FAM178B: variants seen among roughly 807,000 people sequenced by gnomAD.
FAM178B encodes the protein family with sequence similarity 178 member B.
A neutral mutation model predicts 91.7 loss-of-function variants in FAM178B; 82 were observed. That is an observed-to-expected ratio of 0.89 (90% CI 0.75 to 1.07). The LOEUF is 1.07. Among genes scored for constraint, FAM178B ranks in the 50% least tolerant of loss-of-function variants. The pLI is 0.00. For synonymous variants in FAM178B, 368 were observed against 359.4 expected (o/e 1.02, Z -0.27); for missense variants, 769 against 846.7 (o/e 0.91, Z 1.14).
At chr2:96,962,474 A>G (rs2082095223) in intron 5 of FAM178B, among the ~76,000 whole-genome samples, 1 of 151,734 alleles carries the variant, frequency 6.6e-6, no homozygotes, top group Admixed American at 6.6e-5. Context: ...AAAAAAGCCT[A>G]TAAGAACTAG....
Position 96,894,988 on chromosome 2 carries a change from T to C in FAM178B, c.1651-937A>G, listed in dbSNP as rs1220260497. The C allele has an allele frequency of 3.2e-6, 4 of 1,237,086 alleles. No homozygotes were observed. The Admixed American group carries it at 9.4e-5, about 29-fold the overall frequency. The allele number at this position is 1,237,086 out of a possible 1,614,324, so 76.6% of individuals were successfully genotyped here. A position where few individuals can be genotyped will look rare whatever the true frequency, so the allele number is the denominator to read the frequency against. ...CCTCCCTTGCATCCCTCTCTTTTGGTTTAACTCTTCTCTGTGGAGGTTTGG... is the reference window on the plus strand; with the variant it reads ...CCTCCCTTGCATCCCTCTCTTTTGGCTTAACTCTTCTCTGTGGAGGTTTGG... On this transcript the variant is annotated intron_variant, in intron 13 of 16. Transcript: ENST00000490605.
chr2:96,960,140 A>C, intron 6 of FAM178B, 148 bp downstream of exon 6: 1 of 794,396 alleles, frequency 1.3e-6, no homozygotes, highest in Non-Finnish European at 2.0e-6. Context: ...AGACAATGTC[A>C]CCTATATCTC....
At chr2:96,903,687 CAG>C (rs1472472733) in intron 12 of FAM178B, among the ~76,000 whole-genome samples, 4 of 152,234 alleles carry the variant, frequency 2.6e-5, no homozygotes, top group African/African-American at 9.6e-5. Context: ...GAGGCTGAAA[CAG>C]AGCCCTGAGA....
At chr2:96,957,769 A>G (rs1269297683) in intron 6 of FAM178B, among the ~76,000 whole-genome samples, 1 of 151,994 alleles carries the variant, frequency 6.6e-6, no homozygotes, top group Non-Finnish European at 1.5e-5. Flanking sequence ...CCATCTATCT[A>G]TTTATTAAAT....
chr2:96,910,365 C>G (rs1288769320), intron 12 of FAM178B, among the ~76,000 whole-genome samples: 1 of 152,216 alleles, frequency 6.6e-6, no homozygotes, highest in Non-Finnish European at 1.5e-5. Flanking sequence ...TGAGGTTGGT[C>G]ATGCAGCCTC....
intron 1 of FAM178B, among the ~76,000 whole-genome samples, chr2:96,983,334 G>C (rs1295208001): frequency 6.6e-6 from 1 of 152,012 alleles, no homozygotes; most frequent in Non-Finnish European, 1.5e-5. Context: ...TTACATTCTA[G>C]AAGTACCTCC....
rs771447703 is a variant in FAM178B at position 96,981,748 on chromosome 2, A to AAAAAG, written c.73+4492_73+4493insCTTTT. Reference sequence around the variant, plus strand: ...AGAGTGAGACTCCGTCTCAAAAAAAAAAAAAAAAAAAAAAGAAAGAAAGAA... The same window carrying AAAAAG: ...AGAGTGAGACTCCGTCTCAAAAAAAAAAAAGAAAAAAAAAAAAAAGAAAGAAAGAA... On this transcript the variant is annotated intron_variant, in intron 1 of 16. Transcript: ENST00000490605. 1.7e-3 allele frequency among the ~76,000 whole-genome samples: 144 copies of AAAAAG among 84,858 alleles called. 1 individual carries two copies. Among genetic ancestry groups the AAAAAG allele is most frequent in the African/African-American group, 0.012 (120 of 10,042 alleles). The allele number at this position is 84,858 out of a possible 152,430, so 55.7% of individuals were successfully genotyped here. A position where few individuals can be genotyped will look rare whatever the true frequency, so the allele number is the denominator to read the frequency against.
At chr2:96,905,862 T>TATGTGTATA (rs1559064503) in intron 12 of FAM178B, among the ~76,000 whole-genome samples, 60 of 23,510 alleles carry the variant, frequency 2.6e-3, no homozygotes, top group Non-Finnish European at 3.6e-3. Flanking sequence ...ATATATATAT[T>TATGTGTATA]TTTTTTTTTT....
Position 96,951,585 on chromosome 2 carries a change from G to A in FAM178B, c.888-101C>T. ...TCACTACCCAGCTTCACTGGCTGTT[G>A]GGAAGCATATCTGTAACGCTAGAGA... On this transcript the variant is annotated intron_variant, in intron 6 of 16. Coordinates refer to ENST00000490605, the MANE Select transcript of FAM178B (RefSeq NM_001122646.3). 7.2e-6 allele frequency: 6 copies of A among 834,562 alleles called. 1 individual carries two copies. Among genetic ancestry groups the A allele is most frequent in the South Asian group, 2.9e-5 (2 of 68,318 alleles). The allele number at this position is 834,562 out of a possible 1,614,324, so 51.7% of individuals were successfully genotyped here. A position where few individuals can be genotyped will look rare whatever the true frequency, so the allele number is the denominator to read the frequency against.
chr2:96,926,250 C>T (rs1297990721), intron 9 of FAM178B, among the ~76,000 whole-genome samples: 1 of 151,968 alleles, frequency 6.6e-6, no homozygotes, highest in Non-Finnish European at 1.5e-5. Context: ...TGCAGTGAGC[C>T]GAGATGGCAT....
At position 96,902,655 on chromosome 2, in the gene FAM178B, G is replaced by C; in HGVS notation, c.1615C>G (p.Gln539Glu). The change falls in exon 13 of 17, where the codon CAG (glutamine) becomes GAG (glutamate). Residue 539 changes from glutamine to glutamate, a missense_variant. Transcript: ENST00000490605. ...LVVIARMLGQ[Q>E]EMLPLWQEKT... ...TCTTGCCAGAGAGGGAGCATCTCCT[G>C]CTGGCCCAGCATTCGAGCAATGACC... is the stretch of plus-strand genomic sequence containing the variant. 6.4e-7 allele frequency: 1 copy of C among 1,550,904 alleles called. No individual in the cohort carries two copies. Among genetic ancestry groups the C allele is most frequent in the Non-Finnish European group, 8.7e-7 (1 of 1,146,626 alleles).
At chr2:96,952,323 A>G (rs1298590118) in intron 6 of FAM178B, among the ~76,000 whole-genome samples, 3 of 152,218 alleles carry the variant, frequency 2.0e-5, no homozygotes, top group African/African-American at 7.2e-5. Flanking sequence ...TGGGAAGGAA[A>G]TACCAAACAA....
intron 1 of FAM178B, among the ~76,000 whole-genome samples, chr2:96,981,003 ACT>A (rs1484687937): frequency 6.6e-6 from 1 of 151,210 alleles, no homozygotes; most frequent in African/African-American, 2.4e-5. Context: ...ACGGAGTCTT[ACT>A]CTGTCACCCA....
chr2:96,936,302 C>T (rs982812252), intron 8 of FAM178B, among the ~76,000 whole-genome samples: 77 of 151,926 alleles, frequency 5.1e-4, no homozygotes, highest in Non-Finnish European at 1.0e-4. Flanking sequence ...CCCGGGTTCA[C>T]ACCATTCTCC....
Position 96,876,277 on chromosome 2 carries a change from T to C in FAM178B, c.2039A>G (p.Ter680=), listed in dbSNP as rs2080238765. 1.2e-6 allele frequency: 2 copies of C among 1,608,432 alleles called. No homozygotes were observed. The highest frequency in any genetic ancestry group is 1.1e-5 in the South Asian group (1 of 89,092). ...AQYFSPWKDI[*] ...CTGGGCTGCCCTGACCCTGTCCCTTTAGATGTCTTTCCAGGGGCTGAAATA... is the reference window on the plus strand; with the variant it reads ...CTGGGCTGCCCTGACCCTGTCCCTTCAGATGTCTTTCCAGGGGCTGAAATA... The change falls in exon 17 of 17, where the codon TAA becomes TGA. Residue 680 remains the stop codon, a stop_retained_variant. Transcript: ENST00000490605.
chr2:96,937,335 A>G (rs2081649846), intron 8 of FAM178B, among the ~76,000 whole-genome samples: 1 of 152,216 alleles, frequency 6.6e-6, no homozygotes, highest in Non-Finnish European at 1.5e-5. Context: ...TGATTCTAAT[A>G]CACAGCCAAG....
chr2:96,929,353 TG>T (rs1559079728), intron 8 of FAM178B, 33 bp from the exon 9 acceptor site: 1 of 1,477,538 alleles, frequency 6.8e-7, no homozygotes, highest in Non-Finnish European at 9.3e-7. Context: ...AGAGTTAGAA[TG>T]GGGAACGGAG....
At chr2:96,914,120 G>A (rs914584428) in intron 12 of FAM178B, among the ~76,000 whole-genome samples, 1 of 152,236 alleles carries the variant, frequency 6.6e-6, no homozygotes, top group Non-Finnish European at 1.5e-5. Context: ...TGGGGGAGAT[G>A]GACGGGGCCC....
chr2:96,966,998 G>A (rs1443901124), intron 5 of FAM178B, among the ~76,000 whole-genome samples: 3 of 152,140 alleles, frequency 2.0e-5, no homozygotes, highest in Non-Finnish European at 2.9e-5. Flanking sequence ...AGACCAAGAC[G>A]GATGGAAAAC....
Sources: gnomAD v4.1 joint callset for allele counts (sites outside exome capture counted in the v4.1 genomes callset) on GRCh38, gnomAD v4.1.1 for gene constraint, MANE v1.5 for transcripts, NCBI Gene and HGNC (gene_info 2026-07-23, HGNC 2026-07-21) for gene names.